Variants in SPEN observed in about 807,000 individuals in gnomAD.
The protein encoded by SPEN is msx2-interacting protein.
Under a neutral mutation model 269.9 loss-of-function variants are expected in SPEN, and 18 were observed. The ratio of observed to expected loss-of-function variants is 0.07; its 90% confidence interval spans 0.05 to 0.10. The LOEUF is 0.10. Among genes scored for constraint, SPEN ranks in the 10% least tolerant of loss-of-function variants. SPEN has a pLI of 1.00. For synonymous variants in SPEN, 1,726 were observed against 1,765.7 expected, an observed-to-expected ratio of 0.98 and a Z score of 0.56; for missense variants, 3,822 against 4,631.2, an observed-to-expected ratio of 0.83 and a Z score of 5.07.
In SPEN at chr1:15,934,253, C is replaced by T. The variant is rs745857910; in HGVS notation, c.8013C>T (p.Pro2671=). 4.3e-5 allele frequency: 69 copies of T among 1,614,114 alleles called. No homozygotes were observed. The East Asian group carries it at 1.1e-3, about 26-fold the overall frequency. ...TCCCGGTGAATGCCCTGAAAGGCCC[C>T]GTGAAGGGCTCAGTGACCACACTGA... ...SLVPVNALKG[P]VKGSVTTLKS... The change falls in exon 11 of 15, where the codon CCC becomes CCT. Residue 2671 remains proline (P), a synonymous_variant. Coordinates refer to ENST00000375759, the MANE Select transcript of SPEN (RefSeq NM_015001.3). This position sits in a 1 kb window ranked among gnomAD's most constrained non-coding sequence, Gnocchi z 9.2.
chr1:15,865,328 C>T (rs1416806436), intron 1 of SPEN, among the ~76,000 whole-genome samples: 1 of 151,618 alleles, frequency 6.6e-6, no homozygotes, highest in African/African-American at 2.4e-5. Context: ...GCTAGGATTA[C>T]AGGTGTGAGC....
chr1:15,860,896 G>A (rs547484340), intron 1 of SPEN, among the ~76,000 whole-genome samples: 5 of 151,182 alleles, frequency 3.3e-5, no homozygotes, highest in African/African-American at 1.2e-4. Context: ...CACTGTGCCC[G>A]GACTTTTGTT....
At chr1:15,919,865 T>C (rs1172403382) in intron 8 of SPEN, among the ~76,000 whole-genome samples, 1 of 152,156 alleles carries the variant, frequency 6.6e-6, no homozygotes, top group East Asian at 1.9e-4. Context: ...AATATGTAAT[T>C]AGACTTTTTT....
chr1:15,938,565 CTTT>C (rs200567875), intron 13 of SPEN, 150 bp from the exon 14 acceptor site: 5,609 of 237,820 alleles, frequency 0.024, 1 homozygote, highest in East Asian at 0.063. Flanking sequence ...TGAAAAAAAG[CTTT>C]TTTTTTTTTT....
intron 1 of SPEN, among the ~76,000 whole-genome samples, chr1:15,872,450 A>AT (rs1351542616): frequency 6.6e-6 from 1 of 151,954 alleles, no homozygotes; most frequent in Non-Finnish European, 1.5e-5. Context: ...AATACAAAAA[A>AT]TTAGCCTGTC....
intron 4 of SPEN, among the ~76,000 whole-genome samples, chr1:15,910,738 A>G (rs1337278661): frequency 6.6e-6 from 1 of 152,018 alleles, no homozygotes; most frequent in African/African-American, 2.4e-5. Flanking sequence ...TTTCTGGATA[A>G]CCACAGTATC....
In SPEN at chr1:15,882,845, G is replaced by A. The variant is rs527873589; in HGVS notation, c.881+6167G>A. ...TTTCAGAGTGATGGCAGAAGAGTAG[G>A]TTGGTAGGCCCTCATGGCTCTGCTT... On this transcript the variant is annotated intron_variant, in intron 3 of 14. Transcript: ENST00000375759. Among the ~76,000 whole-genome samples the A allele has an allele frequency of 2.4e-4, 36 of 152,322 alleles. No individual in the cohort carries two copies. The South Asian group carries it at 7.2e-3, about 31-fold the overall frequency.
rs1261403052 is a variant in SPEN, at chr1:15,931,413, G to T, written c.5173G>T (p.Gly1725Cys). Reference protein sequence around the residue: ...MPAGVEEGSSGDQPPYLDAKP... With the variant: ...MPAGVEEGSSCDQPPYLDAKP... Reference sequence around the variant, plus strand: ...TGCGGGTGTTGAGGAAGGTTCATCAGGTGACCAGCCGCCTTATCTGGATGC... The same window carrying T: ...TGCGGGTGTTGAGGAAGGTTCATCATGTGACCAGCCGCCTTATCTGGATGC... Residue 1725 changes from glycine to cysteine, a missense_variant, in exon 11 of 15, where the codon GGT becomes TGT. By Grantham distance (159) the Gly-to-Cys change is radical (BLOSUM62 -3). This residue lies in a region of SPEN where 533 missense variants were observed against 618.8 expected (regional missense o/e 0.86). Transcript: ENST00000375759. This position sits in a 1 kb window ranked among gnomAD's most constrained non-coding sequence, Gnocchi z 4.8. 3.1e-6 allele frequency: 5 copies of T among 1,614,040 alleles called. No individual in the cohort carries two copies. Among genetic ancestry groups the T allele is most frequent in the Non-Finnish European group, 4.2e-6 (5 of 1,180,038 alleles).
At position 15,934,643 on chromosome 1, in the gene SPEN, C is replaced by T. The variant is rs759514509; in HGVS notation, c.8403C>T (p.Gly2801=). The T allele has an allele frequency of 1.9e-5, 30 of 1,613,896 alleles. No individual in the cohort carries two copies. The highest frequency in any genetic ancestry group is 2.5e-5 in the Non-Finnish European group (30 of 1,179,888). The change falls in exon 11 of 15, where the codon GGC becomes GGT. Residue 2801 remains glycine (G), a synonymous_variant. Transcript: ENST00000375759. This position sits in a 1 kb window ranked among gnomAD's most constrained non-coding sequence, Gnocchi z 9.2. ...PVIDDRPADA[G]SGAGLRVNTS... is the part of the protein sequence containing the mutation. ...TCGACGATCGTCCGGCAGACGCGGG[C>T]TCAGGGGCGGGGCTGCGTGTGAACA...
Position 15,931,148 on chromosome 1 carries a change from C to T in SPEN, c.4908C>T (p.Ser1636=), listed in dbSNP as rs751449863. 65 of 1,614,084 alleles carry T rather than the reference C, an allele frequency of 4.0e-5. No individual in the cohort carries two copies. The highest frequency in any genetic ancestry group is 2.5e-5 in the Non-Finnish European group (30 of 1,180,040). The change falls in exon 11 of 15, where the codon TCC becomes TCT. Residue 1636 remains serine (S), a synonymous_variant. Coordinates refer to ENST00000375759, the MANE Select transcript of SPEN (RefSeq NM_015001.3). The surrounding 1 kb of genome is among the most constrained non-coding windows in gnomAD (Gnocchi z 4.8). ...NKDSELKTPP[S]VGPPSVTVVT... ...ATTCAGAACTGAAAACTCCACCTTC[C>T]GTTGGGCCTCCAAGTGTCACAGTCG...
At chr1:15,922,161 T>C in intron 9 of SPEN, 88 bp from the exon 10 acceptor site, 1 of 947,108 alleles carries the variant, frequency 1.1e-6, no homozygotes, top group Non-Finnish European at 1.6e-6. Context: ...TCAGAAGGGC[T>C]ATGTTGTGAA....
At chr1:15,885,367 A>G (rs1364958142) in intron 3 of SPEN, among the ~76,000 whole-genome samples, 4 of 152,164 alleles carry the variant, frequency 2.6e-5, no homozygotes. Flanking sequence ...AATTAGTGTT[A>G]TGATTAAAAC....
At chr1:15,855,036 AGAAAT>A (rs1427429035) in intron 1 of SPEN, among the ~76,000 whole-genome samples, 10 of 152,212 alleles carry the variant, frequency 6.6e-5, no homozygotes, top group African/African-American at 2.2e-4. Flanking sequence ...TTTTGAGTAT[AGAAAT>A]GAAATGAACT....
chr1:15,868,677 G>A (rs1284424751), intron 1 of SPEN, among the ~76,000 whole-genome samples: 1 of 151,856 alleles, frequency 6.6e-6, no homozygotes, highest in Non-Finnish European at 1.5e-5. Flanking sequence ...CTCGTGATCC[G>A]CCTGCCTTGG....
intron 1 of SPEN, among the ~76,000 whole-genome samples, chr1:15,865,426 T>G (rs1380589544): frequency 2.0e-5 from 3 of 150,000 alleles, no homozygotes; most frequent in East Asian, 2.0e-4. Context: ...GCCTGTTTTT[T>G]TTTTTTTTTT....
intron 1 of SPEN, among the ~76,000 whole-genome samples, chr1:15,868,480 G>A (rs1369431269): frequency 1.3e-5 from 2 of 151,430 alleles, no homozygotes; most frequent in Admixed American, 6.6e-5. Flanking sequence ...TGTTGCCCAG[G>A]CTGGAGTGCA....
At chr1:15,886,726 C>G (rs1367047913) in intron 3 of SPEN, among the ~76,000 whole-genome samples, 1 of 152,192 alleles carries the variant, frequency 6.6e-6, no homozygotes, top group Non-Finnish European at 1.5e-5. Flanking sequence ...ACTGCCAGTG[C>G]TTGGCCACAT....
At position 15,928,071 on chromosome 1, in the gene SPEN, T is replaced by G. The variant is rs1396790399; in HGVS notation, c.1851-20T>G. ...TGATGAGGAAACAAAAGAACTAATATCTTTGTTATTTTTTGGCAGAGAGGA... is the reference window on the plus strand; with the variant it reads ...TGATGAGGAAACAAAAGAACTAATAGCTTTGTTATTTTTTGGCAGAGAGGA... On this transcript the variant is annotated intron_variant, in intron 10 of 14. Coordinates refer to ENST00000375759, the MANE Select transcript of SPEN (RefSeq NM_015001.3). The surrounding 1 kb of genome is among the most constrained non-coding windows in gnomAD (Gnocchi z 5.7). 1.9e-6 allele frequency: 3 copies of G among 1,568,292 alleles called. No homozygotes were observed. The East Asian group carries it at 6.8e-5, about 35-fold the overall frequency.
At chr1:15,895,200 G>T (rs1159572695) in intron 3 of SPEN, among the ~76,000 whole-genome samples, 2 of 152,176 alleles carry the variant, frequency 1.3e-5, no homozygotes, top group African/African-American at 4.8e-5. Context: ...GGGATTACAG[G>T]TGTGAACCAC....
Sources: gnomAD v4.1 joint callset for allele counts (sites outside exome capture counted in the v4.1 genomes callset) on GRCh38, gnomAD v4.1.1 for gene constraint, gnomAD v4.1.1 regional missense constraint, Gnocchi (gnomAD v3.1) non-coding constraint, MANE v1.5 for transcripts, NCBI Gene and HGNC (gene_info 2026-07-23, HGNC 2026-07-21) for gene names.